The following JAKMIP1 variants were observed in gnomAD, a reference collection of about 807,000 sequenced individuals.
JAKMIP1 encodes janus kinase and microtubule-interacting protein 1.
JAKMIP1 carries 33 observed loss-of-function variants against 113.0 expected under a neutral mutation model. That is an observed-to-expected ratio of 0.29 (90% CI 0.22 to 0.39). JAKMIP1 has a LOEUF of 0.39. JAKMIP1 is among the 10% of genes least tolerant of loss of function. The probability of loss-of-function intolerance (pLI) is 1.00; values close to 1 mark genes in which losing one functional copy is unlikely to be tolerated. For synonymous variants in JAKMIP1, 480 were observed against 459.9 expected (o/e 1.04, Z -0.56); for missense variants, 813 against 1,080.5 (o/e 0.75, Z 3.47).
Position 6,040,476 on chromosome 4 carries a change from G to A in JAKMIP1, c.2175+163C>T, listed in dbSNP as rs1714169057. On this transcript the variant is annotated intron_variant, in intron 18 of 20. Coordinates refer to ENST00000409021, the MANE Select transcript of JAKMIP1 (RefSeq NM_001099433.2). This position sits in a 1 kb window ranked among gnomAD's most constrained non-coding sequence, Gnocchi z 5.8. ...AAATCACGATTGATTTGGAAAAAGG[G>A]ACAGTCTGTACGGTCATTCCAGTCA... Among the ~76,000 whole-genome samples, 1 of 152,164 alleles carries A rather than the reference G, an allele frequency of 6.6e-6. No individual in the cohort carries two copies. The highest frequency in any genetic ancestry group is 6.5e-5 in the Admixed American group (1 of 15,272).
intron 3 of JAKMIP1, among the ~76,000 whole-genome samples, chr4:6,102,722 C>CTTTTT (rs1191358910): frequency 0.016 from 818 of 50,834 alleles, 184 homozygotes; most frequent in African/African-American, 0.044. Context: ...TCTCTAAAGA[C>CTTTTT]TTTTTTTTTT....
In JAKMIP1 at chr4:6,036,210, C is replaced by T. The variant is rs140211795; in HGVS notation, c.2176-103G>A. On this transcript the variant is annotated intron_variant, in intron 18 of 20. Coordinates refer to ENST00000409021, the MANE Select transcript of JAKMIP1 (RefSeq NM_001099433.2). ...GAGGCAGAGCCAGGGAGGGGGGTTTCGGGCAGGGAGGGGCAACTGGCAGGG... is the reference window on the plus strand; with the variant it reads ...GAGGCAGAGCCAGGGAGGGGGGTTTTGGGCAGGGAGGGGCAACTGGCAGGG... The T allele has an allele frequency of 7.1e-4, 673 of 952,606 alleles. 4 individuals carry two copies. In the African/African-American group the frequency reaches 8.8e-3, roughly 12 times the overall value. The allele number at this position is 952,606 out of a possible 1,614,324, so 59.0% of individuals were successfully genotyped here.
In JAKMIP1 at chr4:6,142,268, T is replaced by A. The variant is rs1166836288; in HGVS notation, c.-147-29271A>T. Among the ~76,000 whole-genome samples, 2 of 152,210 alleles carry A rather than the reference T, an allele frequency of 1.3e-5. No individual in the cohort carries two copies. Among genetic ancestry groups the A allele is most frequent in the East Asian group, 3.8e-4 (2 of 5,196 alleles). On this transcript the variant is annotated intron_variant, in intron 1 of 20. Coordinates refer to ENST00000409021, the MANE Select transcript of JAKMIP1 (RefSeq NM_001099433.2). The surrounding 1 kb of genome is among the most constrained non-coding windows in gnomAD (Gnocchi z 5.5). ...TCCATGGAGAGATTCCCTTTCCAAT[T>A]CACTGGCCAAACGCTGCAAAGTTTC...
At chr4:6,079,173 T>C (rs946037042) in intron 7 of JAKMIP1, among the ~76,000 whole-genome samples, 175 bp from the exon 8 acceptor site, 13 of 152,188 alleles carry the variant, frequency 8.5e-5, no homozygotes, top group African/African-American at 3.1e-4. Context: ...GGAGAGTTTA[T>C]TATCCACCTT....
rs972980699 is a variant in JAKMIP1 at position 6,178,024 on chromosome 4, A to T, written c.-148+22229T>A. On this transcript the variant is annotated intron_variant, in intron 1 of 20. Transcript: ENST00000409021. The surrounding 1 kb of genome is among the most constrained non-coding windows in gnomAD (Gnocchi z 5.5). ...CTGCAGGCTTTTAAAGTCAAACATG[A>T]CTCCTCCCTTTCCACTTCCTGTCCA... Among the ~76,000 whole-genome samples the T allele has an allele frequency of 6.7e-6, 1 of 149,984 alleles. No homozygotes were observed. Among genetic ancestry groups the T allele is most frequent in the African/African-American group, 2.5e-5 (1 of 40,576 alleles).
rs560889633 is a variant in JAKMIP1, at chr4:6,027,205, C to T, written c.2446-927G>A. On this transcript the variant is annotated intron_variant, in intron 20 of 20. Coordinates refer to ENST00000409021, the MANE Select transcript of JAKMIP1 (RefSeq NM_001099433.2). ...AGGAGTTGCAAGTCATTAGGGGAAACATATCTGAACATCAACTGGGGCTTT... is the reference window on the plus strand; with the variant it reads ...AGGAGTTGCAAGTCATTAGGGGAAATATATCTGAACATCAACTGGGGCTTT... 1.1e-3 allele frequency among the ~76,000 whole-genome samples: 165 copies of T among 152,298 alleles called. 1 individual carries two copies. Among genetic ancestry groups the T allele is most frequent in the African/African-American group, 2.8e-3 (117 of 41,556 alleles).
Position 6,105,878 on chromosome 4 carries a change from C to T in JAKMIP1, c.219G>A (p.Lys73=), listed in dbSNP as rs1713856375. 6.2e-7 allele frequency: 1 copy of T among 1,612,204 alleles called. No individual in the cohort carries two copies. Among genetic ancestry groups the T allele is most frequent in the South Asian group, 1.1e-5 (1 of 91,088 alleles). ...TGGTCTTCTCCTCATGCAGCTTGGC[C>T]TTGAGCTCCGAAATGTAGGCCGTGT... The part of the protein sequence containing the change: ...RRHTAYISEL[K]AKLHEEKTKE... The change falls in exon 3 of 21, where the codon AAG becomes AAA. Residue 73 remains lysine (K), a synonymous_variant. Coordinates refer to ENST00000409021, the MANE Select transcript of JAKMIP1 (RefSeq NM_001099433.2).
In JAKMIP1 at chr4:6,105,992, CGGTCAGGGTCAG is replaced by C. The variant is rs557350431; in HGVS notation, c.130-37_130-26del. 4,259 of 1,502,724 alleles carry C rather than the reference CGGTCAGGGTCAG, an allele frequency of 2.8e-3. 90 individuals carry two copies. The African/African-American group carries it at 0.046, about 16-fold the overall frequency. 93.1% of individuals were successfully genotyped at this position (1,502,724 alleles called of 1,614,324 possible). A position where few individuals can be genotyped will look rare whatever the true frequency, so the allele number is the denominator to read the frequency against. The stretch of plus-strand genomic sequence containing the variant: ...CCTGCAGCCAGAGCGGCGAGAGAGC[CGGTCAGGGTCAG>C]GGTCAGGGTCAGGGTCAGGGTCAGG... On this transcript the variant is annotated intron_variant, in intron 2 of 20. Transcript: ENST00000409021.
At chr4:6,060,564 C>T (rs373387185) in intron 10 of JAKMIP1, 57 bp from the exon 11 acceptor site, 27 of 1,305,726 alleles carry the variant, frequency 2.1e-5, no homozygotes, top group African/African-American at 4.3e-5. Context: ...GACAGGGAAG[C>T]GGAAAGCGTC....
Position 6,054,058 on chromosome 4 carries a change from C to A in JAKMIP1, c.1798G>T (p.Glu600Ter). The A allele has an allele frequency of 6.2e-7, 1 of 1,614,192 alleles. No homozygotes were observed. The highest frequency in any genetic ancestry group is 8.5e-7 in the Non-Finnish European group (1 of 1,179,992). ...CAGATAGAGTCTCTTACTTCGAGTT[C>A]TAGCACTCTGAATTCTAACAGCTCG... The part of the protein sequence containing the change: ...QNELLEFRVL[E>*]LEERERRSPA... Residue 600 changes from glutamate (E) to a stop codon, truncating the protein, a stop_gained, in exon 13 of 21, where the codon GAA (glutamate) becomes TAA (stop). Coordinates refer to ENST00000409021, the MANE Select transcript of JAKMIP1 (RefSeq NM_001099433.2). LOFTEE classifies it high-confidence loss of function.
rs1471169909 is a variant in JAKMIP1, at chr4:6,137,724, T to G, written c.-147-24727A>C. 6.6e-6 allele frequency among the ~76,000 whole-genome samples: 1 copy of G among 152,236 alleles called. No individual in the cohort carries two copies. Among genetic ancestry groups the G allele is most frequent in the Admixed American group, 6.5e-5 (1 of 15,280 alleles). ...TGGAGCTAGGGCTCTGCACATCACTTAGGTTCCATCATTCATTCAATTCAT... is the reference window on the plus strand; with the variant it reads ...TGGAGCTAGGGCTCTGCACATCACTGAGGTTCCATCATTCATTCAATTCAT... On this transcript the variant is annotated intron_variant, in intron 1 of 20. Transcript: ENST00000409021. This position sits in a 1 kb window ranked among gnomAD's most constrained non-coding sequence, Gnocchi z 4.5.
intron 1 of JAKMIP1, among the ~76,000 whole-genome samples, chr4:6,121,646 G>A (rs939010269): frequency 1.4e-4 from 22 of 152,370 alleles, no homozygotes; most frequent in African/African-American, 4.8e-4. Flanking sequence ...TCACTGGAGT[G>A]AGCCCTCGGC....
rs1176181233 is a variant in JAKMIP1, at chr4:6,089,614, C to A, written c.625-3985G>T. On this transcript the variant is annotated intron_variant, in intron 3 of 20. Coordinates refer to ENST00000409021, the MANE Select transcript of JAKMIP1 (RefSeq NM_001099433.2). This position sits in a 1 kb window ranked among gnomAD's most constrained non-coding sequence, Gnocchi z 5.3. ...CCCTGTCCCCTCTGCCCCAAAGGAA[C>A]AGAGTCCGGTTGTTTCTAAGCAGTC... 6.6e-6 allele frequency among the ~76,000 whole-genome samples: 1 copy of A among 152,186 alleles called. No homozygotes were observed.
At chr4:6,079,667 A>C (rs1720215948) in intron 7 of JAKMIP1, among the ~76,000 whole-genome samples, 1 of 151,976 alleles carries the variant, frequency 6.6e-6, no homozygotes, top group Admixed American at 6.6e-5. Flanking sequence ...GACATACTCA[A>C]CCCCCTTTGA....
At chr4:6,047,288 T>C (rs1382630488) in intron 16 of JAKMIP1, among the ~76,000 whole-genome samples, 5 of 152,244 alleles carry the variant, frequency 3.3e-5, no homozygotes, top group African/African-American at 7.2e-5. Flanking sequence ...ACTAAGATGC[T>C]CTTTCTCAGT....
At position 6,147,688 on chromosome 4, in the gene JAKMIP1, A is replaced by G. The variant is rs550833358; in HGVS notation, c.-147-34691T>C. 3.9e-5 allele frequency among the ~76,000 whole-genome samples: 6 copies of G among 152,298 alleles called. No individual in the cohort carries two copies. The East Asian group carries it at 1.2e-3, about 29-fold the overall frequency. ...CCCCACCGGGTCCACACCAACTCTC[A>G]GGCCACCTAGGTGTGGGTTCTGTCT... is the stretch of plus-strand genomic sequence containing the variant. On this transcript the variant is annotated intron_variant, in intron 1 of 20. Coordinates refer to ENST00000409021, the MANE Select transcript of JAKMIP1 (RefSeq NM_001099433.2).
Position 6,169,980 on chromosome 4 carries a change from T to TACC in JAKMIP1, c.-148+30270_-148+30272dup, listed in dbSNP as rs200501521. 1.9e-3 allele frequency among the ~76,000 whole-genome samples: 210 copies of TACC among 107,852 alleles called. 1 individual carries two copies. Among genetic ancestry groups the TACC allele is most frequent in the Middle Eastern group, 0.019 (4 of 214 alleles). The allele number at this position is 107,852 out of a possible 152,430, so 70.8% of individuals were successfully genotyped here. On this transcript the variant is annotated intron_variant, in intron 1 of 20. Transcript: ENST00000409021. ...CTCTCATCACCACCACCACCACCAC[T>TACC]ACCACCACCACCACCACCACCACCA...
At chr4:6,028,762 A>G (rs1489488191) in intron 20 of JAKMIP1, among the ~76,000 whole-genome samples, 2 of 152,200 alleles carry the variant, frequency 1.3e-5, no homozygotes, top group Admixed American at 6.5e-5. Flanking sequence ...CTTCGAGCAC[A>G]GGCATGCCGG....
intron 1 of JAKMIP1, among the ~76,000 whole-genome samples, chr4:6,149,408 A>G (rs1721285235): frequency 6.6e-6 from 1 of 152,134 alleles, no homozygotes; most frequent in Non-Finnish European, 1.5e-5. Flanking sequence ...GACCCTCGCC[A>G]TCTGTCGTAG....
Sources: allele counts gnomAD v4.1 joint callset (sites outside exome capture counted in the v4.1 genomes callset), GRCh38; gene constraint gnomAD v4.1.1; non-coding constraint Gnocchi (gnomAD v3.1); transcripts MANE v1.5; gene names NCBI Gene and HGNC (gene_info 2026-07-23, HGNC 2026-07-21).